AGBL4: variants seen among roughly 807,000 people sequenced by gnomAD.
The protein encoded by AGBL4 is cytosolic carboxypeptidase 6.
In AGBL4, 58 loss-of-function variants were observed where a neutral mutation model predicts 66.4. That is an observed-to-expected ratio of 0.87 (90% CI 0.71 to 1.09). The LOEUF (loss-of-function observed/expected upper bound fraction) is 1.09, where lower values mean the gene tolerates loss of function less well. AGBL4 is among the 50% of genes least tolerant of loss of function. The pLI is 0.00. For synonymous variants in AGBL4, 234 were observed against 222.9 expected (o/e 1.05, Z -0.44); for missense variants, 579 against 631.0 (o/e 0.92, Z 0.88).
intron 9 of AGBL4, among the ~76,000 whole-genome samples, chr1:48,599,319 T>C (rs1645042228): frequency 1.3e-5 from 2 of 152,250 alleles, no homozygotes; most frequent in African/African-American, 4.8e-5. Flanking sequence ...TATTAAGTGT[T>C]ATGTATTATA....
At chr1:49,041,381 A>C (rs1231332964) in intron 5 of AGBL4, among the ~76,000 whole-genome samples, 1 of 152,126 alleles carries the variant, frequency 6.6e-6, no homozygotes, top group Non-Finnish European at 1.5e-5. Context: ...AGAACAGAGG[A>C]TTGAGCCAAC....
Position 49,107,694 on chromosome 1 carries a change from T to TGTGAGAGAGAGA in AGBL4, c.378-61895_378-61894insTCTCTCTCTCAC, listed in dbSNP as rs764451269. Reference sequence around the variant, plus strand: ...GTGTATGTGTGTGTGTGTGTGTGTGTGAGAGAGAGAGAGAGAGAGAGAGAG... The same window carrying TGTGAGAGAGAGA: ...GTGTATGTGTGTGTGTGTGTGTGTGTGTGAGAGAGAGAGAGAGAGAGAGAGAGAGAGAGAGAG... On this transcript the variant is annotated intron_variant, in intron 4 of 13. Transcript: ENST00000371839. Among the ~76,000 whole-genome samples the TGTGAGAGAGAGA allele has an allele frequency of 6.2e-4, 71 of 113,988 alleles. 1 individual carries two copies. The highest frequency in any genetic ancestry group is 2.6e-3 in the African/African-American group (66 of 25,486). The allele number at this position is 113,988 out of a possible 152,430, so 74.8% of individuals were successfully genotyped here. A position where few individuals can be genotyped will look rare whatever the true frequency, so the allele number is the denominator to read the frequency against.
chr1:48,945,843 C>A (rs1319724764), intron 5 of AGBL4, among the ~76,000 whole-genome samples: 3 of 152,144 alleles, frequency 2.0e-5, no homozygotes, highest in Non-Finnish European at 4.4e-5. Context: ...GCTGTGTGAT[C>A]ATGGGAAATT....
At chr1:48,879,261 T>G (rs779819040) in intron 5 of AGBL4, among the ~76,000 whole-genome samples, 2 of 151,370 alleles carry the variant, frequency 1.3e-5, no homozygotes, top group Non-Finnish European at 2.9e-5. Context: ...TGAAGTCTGT[T>G]GAGAGGGGTC....
At chr1:48,835,786 G>C (rs1646657721) in intron 6 of AGBL4, among the ~76,000 whole-genome samples, 1 of 152,098 alleles carries the variant, frequency 6.6e-6, no homozygotes, top group African/African-American at 2.4e-5. Context: ...TTCCAATAAG[G>C]AAATTTGAGA....
intron 2 of AGBL4, among the ~76,000 whole-genome samples, chr1:49,762,435 C>T (rs1473645385): frequency 1.4e-5 from 2 of 142,060 alleles, no homozygotes; most frequent in South Asian, 2.2e-4. Context: ...TTTTTTGAGA[C>T]GGAGTCTTGC....
intron 3 of AGBL4, among the ~76,000 whole-genome samples, chr1:49,332,344 G>A (rs531583602): frequency 6.6e-6 from 1 of 152,166 alleles, no homozygotes; most frequent in African/African-American, 2.4e-5. Context: ...AATTAATAAG[G>A]AATTTAAAAC....
At chr1:49,258,956 T>C (rs973936105) in intron 3 of AGBL4, among the ~76,000 whole-genome samples, 11 of 152,168 alleles carry the variant, frequency 7.2e-5, no homozygotes, top group African/African-American at 2.2e-4. Context: ...AGAGCGGATC[T>C]CTCAGCAGAA....
At chr1:48,757,002 T>C (rs928567009) in intron 6 of AGBL4, among the ~76,000 whole-genome samples, 7 of 152,238 alleles carry the variant, frequency 4.6e-5, no homozygotes, top group Non-Finnish European at 8.8e-5. Context: ...CAAGTTTTTC[T>C]ACATGTTTTA....
At chr1:48,665,409 T>A (rs1166252555) in intron 6 of AGBL4, among the ~76,000 whole-genome samples, 2 of 152,210 alleles carry the variant, frequency 1.3e-5, no homozygotes, top group Non-Finnish European at 2.9e-5. Context: ...GGCTATTGAA[T>A]TAATAAATAA....
chr1:49,754,206 T>G (rs1039732769), intron 2 of AGBL4, among the ~76,000 whole-genome samples: 4 of 152,092 alleles, frequency 2.6e-5, no homozygotes, highest in Non-Finnish European at 5.9e-5. Context: ...ATCTTCATGA[T>G]TTATCTACCT....
chr1:49,466,078 T>C (rs1233055179), intron 3 of AGBL4, among the ~76,000 whole-genome samples: 1 of 151,900 alleles, frequency 6.6e-6, no homozygotes, highest in Non-Finnish European at 1.5e-5. Context: ...CCCAGGTTCA[T>C]ATATATCTGA....
chr1:49,753,836 A>G (rs995417877), intron 2 of AGBL4, among the ~76,000 whole-genome samples: 1 of 152,082 alleles, frequency 6.6e-6, no homozygotes, highest in African/African-American at 2.4e-5. Flanking sequence ...AGTCTCTGAT[A>G]TCCTTTCTTC....
At chr1:48,845,204 G>GGCT (rs1646882920) in intron 6 of AGBL4, among the ~76,000 whole-genome samples, 1 of 152,138 alleles carries the variant, frequency 6.6e-6, no homozygotes, top group South Asian at 2.1e-4. Flanking sequence ...TAGGGAACAA[G>GGCT]GCTACATCAT....
At chr1:48,975,854 C>T (rs1444832699) in intron 5 of AGBL4, among the ~76,000 whole-genome samples, 3 of 152,118 alleles carry the variant, frequency 2.0e-5, no homozygotes, top group Non-Finnish European at 4.4e-5. Flanking sequence ...ATCTGCATGG[C>T]ACGCTGGTAT....
intron 1 of AGBL4, among the ~76,000 whole-genome samples, chr1:49,876,878 C>A (rs920467773): frequency 1.1e-4 from 17 of 150,104 alleles, no homozygotes; most frequent in African/African-American, 3.0e-4. Flanking sequence ...CTTCACATCC[C>A]TTGTAAGTTG....
chr1:49,649,074 A>T (rs570310453), intron 3 of AGBL4, among the ~76,000 whole-genome samples: 1 of 152,276 alleles, frequency 6.6e-6, no homozygotes, highest in Non-Finnish European at 1.5e-5. Flanking sequence ...ACAATCATAC[A>T]GTGGACAGGA....
intron 1 of AGBL4, among the ~76,000 whole-genome samples, chr1:49,853,718 G>T (rs1490751323): frequency 6.6e-6 from 1 of 151,766 alleles, no homozygotes; most frequent in Non-Finnish European, 1.5e-5. Flanking sequence ...AATGACCTAA[G>T]ATAAAAATAC....
At chr1:49,541,618 T>C (rs1326870444) in intron 3 of AGBL4, among the ~76,000 whole-genome samples, 2 of 152,096 alleles carry the variant, frequency 1.3e-5, no homozygotes, top group South Asian at 4.1e-4. Flanking sequence ...GCCTCCCCCC[T>C]GCTGTGGGCT....
Sources: allele counts gnomAD v4.1 joint callset (sites outside exome capture counted in the v4.1 genomes callset), GRCh38; gene constraint gnomAD v4.1.1; transcripts MANE v1.5; gene names NCBI Gene and HGNC (gene_info 2026-07-23, HGNC 2026-07-21).